DPH6: variants seen among roughly 807,000 people sequenced by gnomAD.
The protein encoded by DPH6 is diphthamine biosynthesis 6.
A neutral mutation model predicts 38.2 loss-of-function variants in DPH6; 33 were observed. The ratio of observed to expected loss-of-function variants is 0.86; its 90% CI spans 0.65 to 1.15. The LOEUF is 1.15. Ranked by LOEUF, DPH6 falls within the 50% of genes most tolerant of loss-of-function variation. The pLI, the probability that DPH6 is intolerant of heterozygous loss-of-function variation, is 0.00. For synonymous variants in DPH6, 108 were observed against 103.0 expected (o/e 1.05, Z -0.30); for missense variants, 325 against 320.0 (o/e 1.02, Z -0.12).
intron 3 of DPH6, chr15:35,521,649 C>A: frequency 8.1e-7 from 1 of 1,230,380 alleles, no homozygotes; most frequent in Non-Finnish European, 1.0e-6. Flanking sequence ...TTTTAATATG[C>A]AGGATATTTA....
the DPH6 span, among the ~76,000 whole-genome samples, chr15:35,180,598 C>A: frequency 6.6e-6 from 1 of 152,182 alleles, no homozygotes; most frequent in Non-Finnish European, 1.5e-5. Context: ...GTGGCTGGAA[C>A]TACAAGTGTG....
At position 35,512,808 on chromosome 15, in the gene DPH6, T is replaced by C. The variant is rs569106112; in HGVS notation, c.312+25466A>G. On this transcript the variant is annotated intron_variant, in intron 3 of 8. Coordinates refer to ENST00000256538, the MANE Select transcript of DPH6 (RefSeq NM_080650.4). Reference sequence around the variant, plus strand: ...ATTTATAGAAATCAACTAGCCAATATGTTTCAATGGCCTTAAAAATAATCA... The same window carrying C: ...ATTTATAGAAATCAACTAGCCAATACGTTTCAATGGCCTTAAAAATAATCA... Among the ~76,000 whole-genome samples the C allele has an allele frequency of 2.0e-5, 3 of 152,258 alleles. No homozygotes were observed. The South Asian group carries it at 6.2e-4, about 32-fold the overall frequency.
At chr15:35,323,426 G>T (rs1307386818) in intron 3 of DPH6, among the ~76,000 whole-genome samples, 1 of 151,800 alleles carries the variant, frequency 6.6e-6, no homozygotes, top group African/African-American at 2.4e-5. Flanking sequence ...TTTTTCTTAA[G>T]GTATTTTTAT....
chr15:35,444,323 T>C (rs1273381365), intron 5 of DPH6, among the ~76,000 whole-genome samples: 1 of 152,196 alleles, frequency 6.6e-6, no homozygotes, highest in Admixed American at 6.5e-5. Context: ...TCCTTTATCC[T>C]TCCAATTCTA....
chr15:35,483,215 C>T (rs749085467), intron 3 of DPH6, among the ~76,000 whole-genome samples: 14 of 151,698 alleles, frequency 9.2e-5, no homozygotes, highest in Non-Finnish European at 2.1e-4. Flanking sequence ...CCTGTAATCC[C>T]AGCACTTTGG....
At chr15:35,377,544 TAA>T (rs2052798173) in intron 7 of DPH6, among the ~76,000 whole-genome samples, 1 of 152,130 alleles carries the variant, frequency 6.6e-6, no homozygotes, top group Non-Finnish European at 1.5e-5. Context: ...AAATAAGTAA[TAA>T]GAGAGCAGGT....
At chr15:35,521,530 C>T (rs2041293832) in intron 3 of DPH6, 1 of 1,221,846 alleles carries the variant, frequency 8.2e-7, no homozygotes. Flanking sequence ...GAGTTGTGTT[C>T]AATTTTGAAG....
chr15:35,376,443 T>C (rs1424742625), intron 7 of DPH6, among the ~76,000 whole-genome samples: 1 of 152,092 alleles, frequency 6.6e-6, no homozygotes, highest in South Asian at 2.1e-4. Flanking sequence ...AAGATCATAA[T>C]GGAGCTGAAA....
intron 5 of DPH6, among the ~76,000 whole-genome samples, chr15:35,433,468 T>C (rs1686943078): frequency 6.6e-6 from 1 of 152,164 alleles, no homozygotes; most frequent in South Asian, 2.1e-4. Flanking sequence ...AGAGTTATAG[T>C]AAAAATCCCG....
chr15:35,477,862 A>C (rs777800554), intron 3 of DPH6, among the ~76,000 whole-genome samples: 3 of 151,864 alleles, frequency 2.0e-5, no homozygotes, highest in African/African-American at 4.8e-5. Flanking sequence ...TATTAGCGGG[A>C]AATGTTATTT....
intron 3 of DPH6, among the ~76,000 whole-genome samples, chr15:35,522,723 A>G (rs1021802135): frequency 2.0e-5 from 3 of 152,112 alleles, no homozygotes; most frequent in Admixed American, 2.0e-4. Flanking sequence ...CAAAAGCAAT[A>G]TATCCTCATT....
At chr15:35,490,050 A>C in intron 3 of DPH6, 1 of 985,382 alleles carries the variant, frequency 1.0e-6, no homozygotes, top group Non-Finnish European at 1.2e-6. Context: ...CCAAGGCTAC[A>C]AGACTATTTG....
intron 3 of DPH6, among the ~76,000 whole-genome samples, chr15:35,285,464 T>C (rs1016581213): frequency 7.2e-5 from 11 of 152,196 alleles, no homozygotes; most frequent in African/African-American, 2.7e-4. Context: ...TCTCTCTCTT[T>C]GCCTGCTGCC....
At chr15:35,162,606 A>G in the DPH6 span, among the ~76,000 whole-genome samples, 4 of 151,758 alleles carry the variant, frequency 2.6e-5, no homozygotes, top group Non-Finnish European at 5.9e-5. Context: ...TAAAATAGTG[A>G]CTAACTTGTT....
intron 3 of DPH6, among the ~76,000 whole-genome samples, chr15:35,508,288 C>G (rs185881501): frequency 1.4e-4 from 22 of 152,094 alleles, no homozygotes; most frequent in African/African-American, 5.1e-4. Context: ...TAATGTAATC[C>G]CTTTTTATCT....
chr15:35,152,357 G>A, the DPH6 span, among the ~76,000 whole-genome samples: 252 of 152,164 alleles, frequency 1.7e-3, no homozygotes, highest in African/African-American at 5.8e-3. Context: ...AAGAGTCACA[G>A]TTGACATCAG....
At chr15:35,278,526 A>C (rs977904723) in intron 3 of DPH6, among the ~76,000 whole-genome samples, 9 of 152,346 alleles carry the variant, frequency 5.9e-5, no homozygotes, top group African/African-American at 1.9e-4. Context: ...GACCCTATAC[A>C]GAGTCCCCAC....
At chr15:35,389,909 A>G (rs889341862) in intron 6 of DPH6, among the ~76,000 whole-genome samples, 11 of 152,124 alleles carry the variant, frequency 7.2e-5, no homozygotes, top group Non-Finnish European at 1.5e-4. Flanking sequence ...TATTTTGCTC[A>G]TTATTTGATG....
At chr15:35,542,984 T>C (rs2055283931) in intron 1 of DPH6, among the ~76,000 whole-genome samples, 1 of 30,594 alleles carries the variant, frequency 3.3e-5, no homozygotes, top group African/African-American at 8.5e-5. Context: ...TTCATAGAAA[T>C]TATTGGGAAA....
Sources: gnomAD v4.1 joint callset for allele counts (sites outside exome capture counted in the v4.1 genomes callset) on GRCh38, gnomAD v4.1.1 for gene constraint, MANE v1.5 for transcripts, NCBI Gene and HGNC (gene_info 2026-07-23, HGNC 2026-07-21) for gene names.